Variants in C6 observed in about 807,000 individuals in gnomAD.
C6 encodes complement component C6.
C6 carries 101 observed loss-of-function variants against 112.9 expected under a neutral mutation model. The observed-to-expected ratio is 0.89, with a 90% confidence interval of 0.76 to 1.06. C6 has a LOEUF of 1.06. Ranked by LOEUF, C6 falls within the 50% of genes least tolerant of loss-of-function variation. The pLI is 0.00. For missense variants in C6, 1,202 were observed against 1,104.6 expected, an observed-to-expected ratio of 1.09 and a Z score of -1.25; for synonymous variants, 431 against 384.1, an observed-to-expected ratio of 1.12 and a Z score of -1.43.
rs556026628 is a variant in C6 at position 41,167,143 on chromosome 5, G to A, written c.1291+5082C>T. Among the ~76,000 whole-genome samples the A allele has an allele frequency of 2.0e-4, 31 of 152,144 alleles. No homozygotes were observed. The South Asian group carries it at 6.2e-3, about 31-fold the overall frequency. On this transcript the variant is annotated intron_variant, in intron 9 of 17. Coordinates refer to ENST00000337836, the MANE Select transcript of C6 (RefSeq NM_000065.5). The stretch of plus-strand genomic sequence containing the variant: ...TATATATACAGCCTCAGGCTGGAGA[G>A]AGTCAAGAGAGAAAAAGAGCAAAAT...
At chr5:41,252,124 C>T (rs542530690) in intron 1 of C6, among the ~76,000 whole-genome samples, 17 of 152,272 alleles carry the variant, frequency 1.1e-4, no homozygotes, top group African/African-American at 4.1e-4. Context: ...TGCAAATATT[C>T]TGTGATTCAC....
In C6 at chr5:41,203,085, C is replaced by G; in HGVS notation, c.143+3G>C. The G allele has an allele frequency of 6.2e-7, 1 of 1,613,884 alleles. No individual in the cohort carries two copies. Among genetic ancestry groups the G allele is most frequent in the South Asian group, 1.1e-5 (1 of 91,074 alleles). On this transcript the variant is annotated splice_donor_region_variant and intron_variant, in intron 2 of 17. Transcript: ENST00000337836. ...AAAGAAAAGCCACAAAGCTCACACC[C>G]ACCTGTGTCTGCTCTGGGTTCCAGA...
chr5:41,173,346 A>G (rs1360005799), intron 8 of C6, among the ~76,000 whole-genome samples: 1 of 152,136 alleles, frequency 6.6e-6, no homozygotes, highest in Non-Finnish European at 1.5e-5. Flanking sequence ...GATCATTCTC[A>G]ATGGCCTCAG....
chr5:41,215,306 A>G (rs111482642), upstream of C6, among the ~76,000 whole-genome samples: 350 of 152,224 alleles, frequency 2.3e-3, 3 homozygotes, highest in African/African-American at 7.8e-3. Context: ...CCCAGAGAGA[A>G]ATATTTCTGG....
At position 41,181,457 on chromosome 5, in the gene C6, T is replaced by TC. The variant is rs372345940; in HGVS notation, c.828dup (p.Ser277GlufsTer15). 1.5e-5 allele frequency: 25 copies of TC among 1,613,106 alleles called. No homozygotes were observed. In the African/African-American group the frequency reaches 1.9e-4, roughly 12 times the overall value. On this transcript the variant is annotated frameshift_variant, in exon 7 of 18. Transcript: ENST00000337836. LOFTEE classifies it high-confidence loss of function. ...TAAAAAATTGGTACACTGAAAGAGC[T>TC]CCCCCCCTGACTTGAGAATGAGCCT...
chr5:41,235,160 TG>T (rs1554035756), intron 1 of C6, among the ~76,000 whole-genome samples: 1 of 147,274 alleles, frequency 6.8e-6, no homozygotes, highest in Non-Finnish European at 1.5e-5. Context: ...TGTGCCATGC[TG>T]GTGCGCTGCA....
At chr5:41,168,444 T>C (rs1748156275) in intron 9 of C6, among the ~76,000 whole-genome samples, 1 of 152,114 alleles carries the variant, frequency 6.6e-6, no homozygotes, top group Non-Finnish European at 1.5e-5. Flanking sequence ...ACAGCCAAAC[T>C]TTTAGCAGAA....
chr5:41,188,910 C>T (rs892577910), intron 5 of C6, among the ~76,000 whole-genome samples: 1 of 151,796 alleles, frequency 6.6e-6, no homozygotes, highest in African/African-American at 2.4e-5. Flanking sequence ...ACAAAAAATG[C>T]TTGGAACTAA....
chr5:41,206,824 T>C (rs1327275995), intron 1 of C6, among the ~76,000 whole-genome samples: 1 of 152,184 alleles, frequency 6.6e-6, no homozygotes, highest in African/African-American at 2.4e-5. Flanking sequence ...CCAGGAGAAC[T>C]TCCCCAACCT....
At chr5:41,209,359 A>G (rs984140965) in intron 1 of C6, among the ~76,000 whole-genome samples, 1 of 152,218 alleles carries the variant, frequency 6.6e-6, no homozygotes, top group Non-Finnish European at 1.5e-5. Flanking sequence ...TAGTGTTGGA[A>G]GTTCTGGCCA....
In C6 at chr5:41,200,658, G is replaced by T. The variant is rs143969710; in HGVS notation, c.301-746C>A. Among the ~76,000 whole-genome samples the T allele has an allele frequency of 7.8e-4, 118 of 152,238 alleles. 1 individual carries two copies. Among genetic ancestry groups the T allele is most frequent in the African/African-American group, 2.7e-3 (112 of 41,562 alleles). ...TGAGTTTCTTTTTCTTCCCTGCTGT[G>T]TAAATGCTCAACACGGCCCTAACTG... On this transcript the variant is annotated intron_variant, in intron 3 of 17. Transcript: ENST00000337836.
chr5:41,146,857 T>C (rs959757213), intron 17 of C6, among the ~76,000 whole-genome samples: 5 of 152,020 alleles, frequency 3.3e-5, no homozygotes, highest in Non-Finnish European at 7.4e-5. Flanking sequence ...TGTAAACTGT[T>C]ATTTTTCACT....
At chr5:41,203,274 C>T (rs1751178978) in intron 1 of C6, 24 bp from the exon 2 acceptor site, 2 of 1,611,508 alleles carry the variant, frequency 1.2e-6, no homozygotes, top group African/African-American at 1.3e-5. Flanking sequence ...ATACATAACA[C>T]ATATCAAATG....
intron 3 of C6, among the ~76,000 whole-genome samples, chr5:41,200,885 G>GT: frequency 1.5e-5 from 1 of 67,122 alleles, no homozygotes; most frequent in Non-Finnish European, 2.6e-5. Context: ...TGTTGTTGTT[G>GT]TTGTTGTTTT....
Position 41,159,156 on chromosome 5 carries a change from G to C in C6, c.1782C>G (p.Pro594=), listed in dbSNP as rs545271270. 27 of 1,613,376 alleles carry C rather than the reference G, an allele frequency of 1.7e-5. No individual in the cohort carries two copies. Among genetic ancestry groups the C allele is most frequent in the South Asian group, 1.1e-4 (10 of 91,058 alleles). Residue 594 remains proline (P), a synonymous_variant, in exon 12 of 18, where the codon CCC becomes CCG. Coordinates refer to ENST00000337836, the MANE Select transcript of C6 (RefSeq NM_000065.5). The part of the protein sequence containing the change: ...SRTRECNNPA[P]QRGGKRCEGE... ...CCTCACAGCGTTTCCCTCCTCGTTG[G>C]GGGGCAGGATTATTGCATTCTCGGG...
intron 1 of C6, among the ~76,000 whole-genome samples, chr5:41,225,784 C>T (rs1257228420): frequency 2.0e-5 from 3 of 152,068 alleles, no homozygotes; most frequent in Non-Finnish European, 2.9e-5. Context: ...ACAGAGCCCT[C>T]AGAAATAATG....
chr5:41,175,520 G>A (rs1748765865), intron 8 of C6, among the ~76,000 whole-genome samples: 1 of 152,128 alleles, frequency 6.6e-6, no homozygotes. Flanking sequence ...GGTTTCCGTA[G>A]GAAAGTATAG....
In C6 at chr5:41,149,479, A is replaced by T; in HGVS notation, c.2385T>A (p.His795Gln). 1 of 1,614,026 alleles carries T rather than the reference A, an allele frequency of 6.2e-7. No homozygotes were observed. The highest frequency in any genetic ancestry group is 8.5e-7 in the Non-Finnish European group (1 of 1,179,950). The change falls in exon 17 of 18, where the codon CAT becomes CAA. Residue 795 changes from histidine to glutamine, a missense_variant. Transcript: ENST00000337836. ...ICMSPEEDCSHHSEDLCVFDT... is the reference protein window; with the variant it reads ...ICMSPEEDCSQHSEDLCVFDT... The stretch of plus-strand genomic sequence containing the variant: ...CAAACACACAGAGATCTTCTGAATG[A>T]TGGCTGCCCAAGAGAGGAAAGCAAG...
upstream of C6, among the ~76,000 whole-genome samples, chr5:41,216,337 G>C (rs2150399986): frequency 6.6e-6 from 1 of 152,122 alleles, no homozygotes; most frequent in South Asian, 2.1e-4. Context: ...TGGCTTCCTG[G>C]ACAAAATATA....
Sources: gnomAD v4.1 joint callset for allele counts (sites outside exome capture counted in the v4.1 genomes callset) on GRCh38, gnomAD v4.1.1 for gene constraint, MANE v1.5 for transcripts, NCBI Gene and HGNC (gene_info 2026-07-23, HGNC 2026-07-21) for gene names.